Variants in CC2D2B observed in about 807,000 individuals in gnomAD.
CC2D2B encodes the protein coiled-coil and C2 domain containing 2B.
CC2D2B carries 128 observed loss-of-function variants against 161.2 expected under a neutral mutation model. That is an observed-to-expected ratio of 0.79 (90% CI 0.69 to 0.92). The LOEUF is 0.92. Among genes scored for constraint, CC2D2B ranks in the 40% least tolerant of loss-of-function variants. The probability of loss-of-function intolerance (pLI) is 0.00; values close to 1 mark genes in which losing one functional copy is unlikely to be tolerated. For synonymous variants in CC2D2B, 391 were observed against 449.8 expected, an observed-to-expected ratio of 0.87 and a Z score of 1.65; for missense variants, 1,173 against 1,375.1, an observed-to-expected ratio of 0.85 and a Z score of 2.32.
chr10:95,934,146 A>C (rs552754491), intron 6 of CC2D2B, among the ~76,000 whole-genome samples: 1 of 152,146 alleles, frequency 6.6e-6, no homozygotes, highest in African/African-American at 2.4e-5. Flanking sequence ...GGCTCTGCCT[A>C]GTTTGAACTT....
chr10:96,025,906 C>A (rs1364096105), intron 33 of CC2D2B, among the ~76,000 whole-genome samples: 2 of 152,220 alleles, frequency 1.3e-5, no homozygotes, highest in African/African-American at 4.8e-5. Flanking sequence ...ACACATCTCC[C>A]CCCAGCCCCC....
rs375139169 is a variant in CC2D2B at position 95,926,445 on chromosome 10, T to C, written c.241-792T>C. Reference sequence around the variant, plus strand: ...ATAACTTTTAAGTTAATATGATGGCTACAGTGTAGATACAAACAATATAAA... The same window carrying C: ...ATAACTTTTAAGTTAATATGATGGCCACAGTGTAGATACAAACAATATAAA... On this transcript the variant is annotated intron_variant, in intron 5 of 34. Transcript: ENST00000646931. Among the ~76,000 whole-genome samples the C allele has an allele frequency of 1.7e-4, 26 of 152,238 alleles. No individual in the cohort carries two copies. In the East Asian group the frequency reaches 2.1e-3, roughly 12 times the overall value.
chr10:95,930,170 G>A (rs192825174), intron 6 of CC2D2B, among the ~76,000 whole-genome samples: 2 of 152,230 alleles, frequency 1.3e-5, no homozygotes, highest in East Asian at 3.9e-4. Context: ...GTGAATGGGA[G>A]TTCACTCATG....
rs756682422 is a variant in CC2D2B at position 96,012,685 on chromosome 10, C to G, written c.3382C>G (p.Gln1128Glu). Residue 1128 changes from glutamine (Q) to glutamate (E), a missense_variant, in exon 28 of 35, where the codon CAG becomes GAG. Transcript: ENST00000646931. ...ATATATCAAGGCATTAAATCCACCT[C>G]AGCAACTTCTGGATATATTTCTTCA... ...TRYIKALNPP[Q>E]QLLDIFLHNS... 2 of 1,608,998 alleles carry G rather than the reference C, an allele frequency of 1.2e-6. No homozygotes were observed. Among genetic ancestry groups the G allele is most frequent in the Admixed American group, 3.3e-5 (2 of 59,990 alleles).
chr10:95,929,150 G>C (rs1590388813), intron 6 of CC2D2B, among the ~76,000 whole-genome samples: 1 of 152,334 alleles, frequency 6.6e-6, no homozygotes, highest in South Asian at 2.1e-4. Context: ...CTAATGACCA[G>C]TGATGGTGAG....
At chr10:95,935,244 G>T (rs1325637468) in intron 6 of CC2D2B, among the ~76,000 whole-genome samples, 1 of 152,138 alleles carries the variant, frequency 6.6e-6, no homozygotes, top group East Asian at 1.9e-4. Context: ...TTGAACCTTG[G>T]TCTCATCCTC....
At chr10:96,022,053 C>T (rs954616406) in intron 32 of CC2D2B, among the ~76,000 whole-genome samples, 2 of 152,176 alleles carry the variant, frequency 1.3e-5, no homozygotes, top group African/African-American at 4.8e-5. Context: ...TGCGGTGGCT[C>T]ACGCCTGTAA....
chr10:96,009,040 A>C (rs919436851), intron 25 of CC2D2B, among the ~76,000 whole-genome samples: 5 of 152,190 alleles, frequency 3.3e-5, no homozygotes, highest in East Asian at 3.9e-4. Context: ...AGTATAAAAT[A>C]TCTCTCTTTA....
At chr10:95,999,822 C>A in intron 24 of CC2D2B, 1 of 448,462 alleles carries the variant, frequency 2.2e-6, no homozygotes, top group Non-Finnish European at 4.4e-6. Flanking sequence ...CAGGCTCCTT[C>A]CCATTGGGTC....
chr10:96,030,932 AG>A (rs2080039226), intron 34 of CC2D2B, among the ~76,000 whole-genome samples: 3 of 152,330 alleles, frequency 2.0e-5, no homozygotes, highest in South Asian at 2.1e-4. Flanking sequence ...GCTTTGACCT[AG>A]GGCAAGTGAC....
At chr10:95,931,033 T>C (rs542726513) in intron 6 of CC2D2B, among the ~76,000 whole-genome samples, 2 of 152,330 alleles carry the variant, frequency 1.3e-5, no homozygotes, top group African/African-American at 2.4e-5. Flanking sequence ...TTATGGTTGG[T>C]AGGCTATTAA....
At chr10:95,998,802 G>A (rs762117990) in intron 24 of CC2D2B, among the ~76,000 whole-genome samples, 1 of 152,132 alleles carries the variant, frequency 6.6e-6, no homozygotes, top group Non-Finnish European at 1.5e-5. Context: ...AAAGTCAACT[G>A]GCTTAAACTG....
chr10:96,029,268 A>ATATG (rs1564689112), intron 34 of CC2D2B, among the ~76,000 whole-genome samples: 71 of 68,890 alleles, frequency 1.0e-3, no homozygotes, highest in Middle Eastern at 7.0e-3. Flanking sequence ...ATATATATAT[A>ATATG]TATATATATA....
intron 19 of CC2D2B, among the ~76,000 whole-genome samples, chr10:95,985,102 A>T (rs4918983): frequency 0.5 from 76,496 of 152,036 alleles, 19,669 homozygotes; most frequent in Middle Eastern, 0.61. Context: ...AACTCAACAG[A>T]TAACATTTTG....
At chr10:95,982,714 C>A (rs184012047) in intron 18 of CC2D2B, among the ~76,000 whole-genome samples, 1 of 152,212 alleles carries the variant, frequency 6.6e-6, no homozygotes, top group East Asian at 1.9e-4. Flanking sequence ...AAAAAATCAA[C>A]TCTTATGACT....
chr10:95,984,369 T>C (rs1012723578), intron 19 of CC2D2B, among the ~76,000 whole-genome samples: 1 of 152,176 alleles, frequency 6.6e-6, no homozygotes, highest in Non-Finnish European at 1.5e-5. Context: ...TATTGGAGAA[T>C]TGCTTGTGGT....
chr10:95,931,198 G>T (rs2098549461), intron 6 of CC2D2B, among the ~76,000 whole-genome samples: 1 of 152,088 alleles, frequency 6.6e-6, no homozygotes, highest in Non-Finnish European at 1.5e-5. Context: ...ATTCTCTGAT[G>T]GTAGTTTGTA....
chr10:95,929,477 A>G (rs1320565167), intron 6 of CC2D2B, among the ~76,000 whole-genome samples: 3 of 152,134 alleles, frequency 2.0e-5, no homozygotes, highest in Admixed American at 6.6e-5. Context: ...GCCCATGCCT[A>G]TGTCCTGAAT....
chr10:95,930,317 A>T (rs929410181), intron 6 of CC2D2B, among the ~76,000 whole-genome samples: 4 of 152,136 alleles, frequency 2.6e-5, no homozygotes, highest in Non-Finnish European at 4.4e-5. Flanking sequence ...GGGTTTTCTA[A>T]ATATGCAATC....
Sources: allele counts gnomAD v4.1 joint callset (sites outside exome capture counted in the v4.1 genomes callset), GRCh38; gene constraint gnomAD v4.1.1; transcripts MANE v1.5; gene names NCBI Gene and HGNC (gene_info 2026-07-23, HGNC 2026-07-21).